The following KIRREL3 variants were observed in gnomAD, a reference collection of about 807,000 sequenced individuals.
The protein encoded by KIRREL3 is kirre like nephrin family adhesion molecule 3, also known as kin of IRRE-like protein 3.
A neutral mutation model predicts 89.7 loss-of-function variants in KIRREL3; 36 were observed. That is an observed-to-expected ratio of 0.40 (90% CI 0.31 to 0.53). The LOEUF (loss-of-function observed/expected upper bound fraction) is 0.53, where lower values mean the gene tolerates loss of function less well. Among genes scored for constraint, KIRREL3 ranks in the 20% least tolerant of loss-of-function variants. KIRREL3 has a pLI of 0.49. For missense variants in KIRREL3, 864 were observed against 1,056.6 expected (o/e 0.82, Z 2.53); for synonymous variants, 445 against 441.4 (o/e 1.01, Z -0.10).
At chr11:126,481,657 T>C (rs1957222081) in intron 4 of KIRREL3, among the ~76,000 whole-genome samples, 1 of 152,218 alleles carries the variant, frequency 6.6e-6, no homozygotes, top group Non-Finnish European at 1.5e-5. Context: ...CCCTCTGAAG[T>C]ATCGCTCAGA....
At chr11:126,625,140 G>A (rs758318300) in intron 1 of KIRREL3, among the ~76,000 whole-genome samples, 2 of 152,140 alleles carry the variant, frequency 1.3e-5, no homozygotes, top group Non-Finnish European at 2.9e-5. Context: ...CGTCTACCCT[G>A]TGCCCTACTT....
rs573320166 is a variant in KIRREL3 at position 126,946,808 on chromosome 11, G to A, written c.55+53647C>T. Among the ~76,000 whole-genome samples the A allele has an allele frequency of 2.0e-5, 3 of 152,242 alleles. No homozygotes were observed. The highest frequency in any genetic ancestry group is 4.2e-4 in the South Asian group (2 of 4,816). On this transcript the variant is annotated intron_variant, in intron 1 of 16. Transcript: ENST00000525144. This position sits in a 1 kb window ranked among gnomAD's most constrained non-coding sequence, Gnocchi z 4.1. The stretch of plus-strand genomic sequence containing the variant: ...AGGTTTTGTTGCAATTTATCTTCAC[G>A]AAACAACCATATAAGTAGATATCAT...
intron 1 of KIRREL3, among the ~76,000 whole-genome samples, chr11:126,775,284 G>C (rs1401118493): frequency 1.3e-5 from 2 of 152,206 alleles, no homozygotes; most frequent in East Asian, 3.8e-4. Context: ...GGCATTGGAA[G>C]CTGGTTCCTG....
intron 11 of KIRREL3, 187 bp downstream of exon 11, chr11:126,440,262 T>C: frequency 1.4e-6 from 1 of 709,594 alleles, no homozygotes; most frequent in East Asian, 2.7e-5. Flanking sequence ...GCACTGCCTG[T>C]TCTGAGAAAG....
rs367648890 is a variant in KIRREL3, at chr11:126,463,346, G to T, written c.592-39C>A. 6.3e-7 allele frequency: 1 copy of T among 1,590,884 alleles called. No homozygotes were observed. The highest frequency in any genetic ancestry group is 1.3e-5 in the African/African-American group (1 of 74,690). ...GAAAGGGGAGAGAAAGCTCCATGTC[G>T]CTTGGCTGGGGTGGCCAGCCTGGGT... On this transcript the variant is annotated intron_variant, in intron 5 of 16. Coordinates refer to ENST00000525144, the MANE Select transcript of KIRREL3 (RefSeq NM_032531.4). The surrounding 1 kb of genome is among the most constrained non-coding windows in gnomAD (Gnocchi z 5.9).
At position 126,684,973 on chromosome 11, in the gene KIRREL3, A is replaced by G. The variant is rs1946612494; in HGVS notation, c.56-122061T>C. Among the ~76,000 whole-genome samples, 1 of 151,754 alleles carries G rather than the reference A, an allele frequency of 6.6e-6. No homozygotes were observed. The highest frequency in any genetic ancestry group is 1.5e-5 in the Non-Finnish European group (1 of 67,956). On this transcript the variant is annotated intron_variant, in intron 1 of 16. Coordinates refer to ENST00000525144, the MANE Select transcript of KIRREL3 (RefSeq NM_032531.4). The surrounding 1 kb of genome is among the most constrained non-coding windows in gnomAD (Gnocchi z 4.2). ...CCTCTTCTCTCTTCCTCTCTCCCTC[A>G]TTTCTGGCTTCCCTCTTTTTCTCCT... is the stretch of plus-strand genomic sequence containing the variant.
intron 1 of KIRREL3, among the ~76,000 whole-genome samples, chr11:126,847,842 T>C (rs972059363): frequency 2.2e-4 from 33 of 152,220 alleles, no homozygotes; most frequent in African/African-American, 8.0e-4. Context: ...TGGAAGTTAC[T>C]CGTGTTCTTA....
rs1393412527 is a variant in KIRREL3, at chr11:126,455,441, C to A, written c.848+908G>T. On this transcript the variant is annotated intron_variant, in intron 7 of 16. Coordinates refer to ENST00000525144, the MANE Select transcript of KIRREL3 (RefSeq NM_032531.4). This position sits in a 1 kb window ranked among gnomAD's most constrained non-coding sequence, Gnocchi z 6.4. ...CTGAGAGCCATCAGTGACTAAATTG[C>A]AGTTCCTGCCTTCAAGAAGCTCTGT... Among the ~76,000 whole-genome samples, 1 of 152,204 alleles carries A rather than the reference C, an allele frequency of 6.6e-6. No homozygotes were observed. Among genetic ancestry groups the A allele is most frequent in the African/African-American group, 2.4e-5 (1 of 41,448 alleles).
Position 126,609,105 on chromosome 11 carries a change from T to A in KIRREL3, c.56-46193A>T, listed in dbSNP as rs1943012600. On this transcript the variant is annotated intron_variant, in intron 1 of 16. Transcript: ENST00000525144. The surrounding 1 kb of genome is among the most constrained non-coding windows in gnomAD (Gnocchi z 5.0). Reference sequence around the variant, plus strand: ...CACTCAACTCTGCATGGAATTGTGCTGAATTGAGGAGCACTGCAGCGAGAC... The same window carrying A: ...CACTCAACTCTGCATGGAATTGTGCAGAATTGAGGAGCACTGCAGCGAGAC... Among the ~76,000 whole-genome samples, 1 of 152,180 alleles carries A rather than the reference T, an allele frequency of 6.6e-6. No individual in the cohort carries two copies. The highest frequency in any genetic ancestry group is 2.4e-5 in the African/African-American group (1 of 41,434).
chr11:126,562,008 C>G lies in KIRREL3; in HGVS notation c.133+827G>C, dbSNP rs771254102. On this transcript the variant is annotated intron_variant, in intron 2 of 16. Coordinates refer to ENST00000525144, the MANE Select transcript of KIRREL3 (RefSeq NM_032531.4). This position sits in a 1 kb window ranked among gnomAD's most constrained non-coding sequence, Gnocchi z 4.7. ...GGGCCCTGGAAGGGGAGGGGTCCAGCCCATGGCAAGCATGGCTGGTGGGAG... is the reference window on the plus strand; with the variant it reads ...GGGCCCTGGAAGGGGAGGGGTCCAGGCCATGGCAAGCATGGCTGGTGGGAG... 1.3e-5 allele frequency among the ~76,000 whole-genome samples: 2 copies of G among 152,154 alleles called. No individual in the cohort carries two copies. The highest frequency in any genetic ancestry group is 2.9e-5 in the Non-Finnish European group (2 of 68,036).
chr11:126,600,841 C>A (rs1942621244), intron 1 of KIRREL3, among the ~76,000 whole-genome samples: 1 of 152,200 alleles, frequency 6.6e-6, no homozygotes. Flanking sequence ...CTTTCCTCCT[C>A]TGGGAAAAAA....
rs1958738401 is a variant in KIRREL3, at chr11:126,525,969, C to T, written c.283+569G>A. ...ACCATGGGAACTCTCACTGCCTGTC[C>T]CAGGGTAGCTTTGCTGAATACCAGC... On this transcript the variant is annotated intron_variant, in intron 3 of 16. Transcript: ENST00000525144. The surrounding 1 kb of genome is among the most constrained non-coding windows in gnomAD (Gnocchi z 5.4). Among the ~76,000 whole-genome samples the T allele has an allele frequency of 6.6e-6, 1 of 152,154 alleles. No individual in the cohort carries two copies. Among genetic ancestry groups the T allele is most frequent in the Admixed American group, 6.5e-5 (1 of 15,272 alleles).
At chr11:126,581,267 A>G (rs1187898197) in intron 1 of KIRREL3, among the ~76,000 whole-genome samples, 1 of 152,084 alleles carries the variant, frequency 6.6e-6, no homozygotes, top group African/African-American at 2.4e-5. Context: ...CAGTGGTGCA[A>G]TCTCAGCTCA....
chr11:126,914,668 C>G (rs939615264), intron 1 of KIRREL3, among the ~76,000 whole-genome samples: 3 of 152,206 alleles, frequency 2.0e-5, no homozygotes, highest in African/African-American at 7.2e-5. Context: ...GGGTAGCATA[C>G]GCCACTTTTT....
chr11:126,560,657 TG>T (rs1316040864), intron 2 of KIRREL3, among the ~76,000 whole-genome samples: 6 of 152,228 alleles, frequency 3.9e-5, no homozygotes, highest in Admixed American at 3.3e-4. Context: ...CACTTCTCCC[TG>T]GGTGACAGGC....
In KIRREL3 at chr11:126,456,172, G is replaced by A. The variant is rs538765323; in HGVS notation, c.848+177C>T. On this transcript the variant is annotated intron_variant, in intron 7 of 16. Transcript: ENST00000525144. ...GCGTGCACGCACAGAGGAGAGGAAG[G>A]GTCCACACGGCTAGCAGGCAGGCGG... Among the ~76,000 whole-genome samples, 463 of 151,224 alleles carry A rather than the reference G, an allele frequency of 3.1e-3. 1 individual carries two copies. The highest frequency in any genetic ancestry group is 0.01 in the African/African-American group (424 of 41,158).
In KIRREL3 at chr11:126,430,558, G is replaced by C. The variant is rs529132202; in HGVS notation, c.1696+861C>G. Among the ~76,000 whole-genome samples the C allele has an allele frequency of 1.3e-5, 2 of 152,284 alleles. No homozygotes were observed. The highest frequency in any genetic ancestry group is 3.9e-4 in the East Asian group (2 of 5,186). On this transcript the variant is annotated intron_variant, in intron 14 of 16. Coordinates refer to ENST00000525144, the MANE Select transcript of KIRREL3 (RefSeq NM_032531.4). The surrounding 1 kb of genome is among the most constrained non-coding windows in gnomAD (Gnocchi z 6.6). ...AGGTCCTGAGACCACATCATTGCTG[G>C]GGTGGTCTTGAGAGCCAAGGCTGCT...
intron 1 of KIRREL3, among the ~76,000 whole-genome samples, chr11:126,828,359 G>T (rs1165029300): frequency 2.0e-5 from 3 of 152,150 alleles, no homozygotes; most frequent in South Asian, 2.1e-4. Context: ...TGAAAGGCAG[G>T]TCTCCTGGCC....
At chr11:126,810,730 T>C (rs1182153014) in intron 1 of KIRREL3, among the ~76,000 whole-genome samples, 2 of 152,168 alleles carry the variant, frequency 1.3e-5, no homozygotes, top group African/African-American at 4.8e-5. Context: ...GCTTATAAAA[T>C]GGGCATCTGT....
Sources: allele counts gnomAD v4.1 joint callset (sites outside exome capture counted in the v4.1 genomes callset), GRCh38; gene constraint gnomAD v4.1.1; non-coding constraint Gnocchi (gnomAD v3.1); transcripts MANE v1.5; gene names NCBI Gene and HGNC (gene_info 2026-07-23, HGNC 2026-07-21).